The following MSANTD2 variants were observed in gnomAD, a reference collection of about 807,000 sequenced individuals.
The protein encoded by MSANTD2 is Myb/SANT DNA binding domain containing 2.
In MSANTD2, 19 loss-of-function variants were observed where a neutral mutation model predicts 52.6. The observed-to-expected ratio is 0.36, with a 90% CI of 0.25 to 0.53. The LOEUF (loss-of-function observed/expected upper bound fraction) is 0.53, where lower values mean the gene tolerates loss of function less well. MSANTD2 is among the 20% of genes least tolerant of loss of function. MSANTD2 has a pLI of 0.91. For missense variants in MSANTD2, 558 were observed against 716.3 expected, an observed-to-expected ratio of 0.78 and a Z score of 2.52; for synonymous variants, 291 against 289.7, an observed-to-expected ratio of 1.00 and a Z score of -0.04.
intron 3 of MSANTD2, among the ~76,000 whole-genome samples, chr11:124,770,279 A>C (rs1040700242): frequency 1.3e-5 from 2 of 151,364 alleles, no homozygotes; most frequent in African/African-American, 2.4e-5. Flanking sequence ...GTTTGAAGGT[A>C]TACATTTGTA....
At chr11:124,778,205 C>T (rs1269931162) in intron 1 of MSANTD2, among the ~76,000 whole-genome samples, 1 of 152,112 alleles carries the variant, frequency 6.6e-6, no homozygotes. Flanking sequence ...GCTCTCAAAC[C>T]CAACAAGAAC....
chr11:124,773,307 G>T, intron 2 of MSANTD2: 1 of 296,976 alleles, frequency 3.4e-6, no homozygotes. Flanking sequence ...TTTCTAGCTA[G>T]GAGCTTAAAG....
chr11:124,770,310 GTTTGTTT>G (rs1944458079), intron 3 of MSANTD2, among the ~76,000 whole-genome samples: 2 of 129,142 alleles, frequency 1.5e-5, no homozygotes, highest in African/African-American at 8.5e-5. Context: ...TTTTTTGTTT[GTTTGTTT>G]TTTTTTTTTT....
At chr11:124,793,848 A>C (rs1272364790) in intron 1 of MSANTD2, among the ~76,000 whole-genome samples, 3 of 152,074 alleles carry the variant, frequency 2.0e-5, no homozygotes, top group Non-Finnish European at 4.4e-5. Context: ...GTAAAGTGAC[A>C]GAAAGGTCAA....
intron 1 of MSANTD2, chr11:124,791,354 T>C: frequency 7.2e-7 from 1 of 1,390,008 alleles, no homozygotes; most frequent in Non-Finnish European, 1.0e-6. Flanking sequence ...GCTCCGTGAA[T>C]GTGCAAGACA....
chr11:124,787,446 T>C (rs1350731180), intron 1 of MSANTD2, among the ~76,000 whole-genome samples: 5 of 152,172 alleles, frequency 3.3e-5, no homozygotes, highest in African/African-American at 7.2e-5. Context: ...AGTGGCACGA[T>C]CTTGGCTCAC....
intron 1 of MSANTD2, among the ~76,000 whole-genome samples, chr11:124,777,658 T>C (rs1005999685): frequency 6.6e-6 from 1 of 152,238 alleles, no homozygotes; most frequent in African/African-American, 2.4e-5. Flanking sequence ...CTTTGTAGTG[T>C]ACTTTTGTAA....
intron 1 of MSANTD2, among the ~76,000 whole-genome samples, chr11:124,799,421 T>C (rs1030839857): frequency 2.6e-5 from 4 of 152,178 alleles, no homozygotes; most frequent in Admixed American, 2.0e-4. Context: ...CGGCCACTTA[T>C]TAACTATTCC....
rs2135283163 is a variant in MSANTD2, at chr11:124,800,117, A to C, written c.264T>G (p.Gly88=). ...SSVSFSPGGG[G]GGAAAAAAAA... ...CGGCGGCGGCTGCCGCAGCCCCGCC[A>C]CCGCCGCCACCAGGGGAGAAGGAGA... The change falls in exon 1 of 4, where the codon GGT becomes GGG. Residue 88 remains glycine, a synonymous_variant. Coordinates refer to ENST00000374979, the MANE Select transcript of MSANTD2 (RefSeq NM_001308027.2). This position sits in a 1 kb window ranked among gnomAD's most constrained non-coding sequence, Gnocchi z 4.3. 1.3e-6 allele frequency: 2 copies of C among 1,481,778 alleles called. No homozygotes were observed. Among genetic ancestry groups the C allele is most frequent in the East Asian group, 2.8e-5 (1 of 35,212 alleles). 91.8% of individuals were successfully genotyped at this position (1,481,778 alleles called of 1,614,324 possible).
Position 124,800,331 on chromosome 11 carries a change from A to G in MSANTD2, c.50T>C (p.Ile17Thr), listed in dbSNP as rs775413266. The change falls in exon 1 of 4, where the codon ATT becomes ACT. Residue 17 changes from isoleucine (I) to threonine (T), a missense_variant. Coordinates refer to ENST00000374979, the MANE Select transcript of MSANTD2 (RefSeq NM_001308027.2). This position sits in a 1 kb window ranked among gnomAD's most constrained non-coding sequence, Gnocchi z 4.3. ...SELPANSPLKIPKMEVLSPAS... is the reference protein window; with the variant it reads ...SELPANSPLKTPKMEVLSPAS... ...CGGGGAAAGCACCTCCATCTTCGGAATTTTTAGCGGCGAGTTGGCGGGCAG... is the reference window on the plus strand; with the variant it reads ...CGGGGAAAGCACCTCCATCTTCGGAGTTTTTAGCGGCGAGTTGGCGGGCAG... 1 of 1,559,948 alleles carries G rather than the reference A, an allele frequency of 6.4e-7. No homozygotes were observed. Among genetic ancestry groups the G allele is most frequent in the Non-Finnish European group, 8.7e-7 (1 of 1,155,602 alleles).
intron 1 of MSANTD2, among the ~76,000 whole-genome samples, chr11:124,776,949 C>T (rs1026186951): frequency 8.5e-5 from 13 of 152,188 alleles, no homozygotes; most frequent in African/African-American, 3.1e-4. Flanking sequence ...TAAGACAAAA[C>T]TTTCTAGAAC....
intron 1 of MSANTD2, among the ~76,000 whole-genome samples, chr11:124,785,617 G>T (rs974608886): frequency 6.6e-6 from 1 of 152,104 alleles, no homozygotes; most frequent in Admixed American, 6.5e-5. Context: ...CACCTTGGGT[G>T]AGACAGTTGC....
intron 1 of MSANTD2, among the ~76,000 whole-genome samples, chr11:124,794,341 A>T (rs1945425946): frequency 6.6e-6 from 1 of 152,206 alleles, no homozygotes; most frequent in African/African-American, 2.4e-5. Context: ...TAAAACTGAA[A>T]TCTTAAATAT....
intron 3 of MSANTD2, 22 bp downstream of exon 3, chr11:124,772,972 G>A (rs776246386): frequency 3.4e-6 from 5 of 1,474,372 alleles, no homozygotes; most frequent in Non-Finnish European, 1.9e-6. Context: ...ACACTTTCTG[G>A]AAAGGTGAAG....
intron 1 of MSANTD2, chr11:124,775,435 CT>C (rs1215183887): frequency 1.3e-5 from 2 of 158,372 alleles, no homozygotes; most frequent in Admixed American, 6.0e-5. Context: ...CTGCCTTACT[CT>C]TGATTAAGAA....
chr11:124,784,196 G>T, intron 1 of MSANTD2: 2 of 985,226 alleles, frequency 2.0e-6, no homozygotes, highest in Non-Finnish European at 2.4e-6. Context: ...AACTGACTGG[G>T]ATTAGAGGCT....
intron 1 of MSANTD2, among the ~76,000 whole-genome samples, chr11:124,788,225 C>T (rs1009748151): frequency 6.6e-6 from 1 of 152,096 alleles, no homozygotes; most frequent in Non-Finnish European, 1.5e-5. Flanking sequence ...ATAGGCCTCA[C>T]TCGCTGGGCA....
In MSANTD2 at chr11:124,786,063, A is replaced by G. The variant is rs554947671; in HGVS notation, c.511-11089T>C. Among the ~76,000 whole-genome samples the G allele has an allele frequency of 2.8e-5, 4 of 144,412 alleles. No individual in the cohort carries two copies. The South Asian group carries it at 6.7e-4, about 24-fold the overall frequency. 94.7% of individuals were successfully genotyped at this position (144,412 alleles called of 152,430 possible). ...TTAGTTTAAGTAAACATATTTACCT[A>G]GGTTACTGCTATTTGCCCTGCATCA... On this transcript the variant is annotated intron_variant, in intron 1 of 3. Transcript: ENST00000374979.
intron 3 of MSANTD2, among the ~76,000 whole-genome samples, chr11:124,771,632 T>C (rs777882379): frequency 7.2e-5 from 11 of 152,170 alleles, no homozygotes; most frequent in Non-Finnish European, 1.3e-4. Context: ...TAGCCAGGCA[T>C]GGTGACGCGC....
Sources: gnomAD v4.1 joint callset for allele counts (sites outside exome capture counted in the v4.1 genomes callset) on GRCh38, gnomAD v4.1.1 for gene constraint, Gnocchi (gnomAD v3.1) non-coding constraint, MANE v1.5 for transcripts, NCBI Gene and HGNC (gene_info 2026-07-23, HGNC 2026-07-21) for gene names.